The following PRRC2B variants were observed in gnomAD, a reference collection of about 807,000 sequenced individuals.
The protein encoded by PRRC2B is proline rich coiled-coil 2B, also known as protein PRRC2B.
PRRC2B carries 68 observed loss-of-function variants against 242.3 expected under a neutral mutation model. The ratio of observed to expected loss-of-function variants is 0.28; its 90% CI spans 0.23 to 0.34. PRRC2B has a LOEUF of 0.34. Among genes scored for constraint, PRRC2B ranks in the 10% least tolerant of loss-of-function variants. The probability of loss-of-function intolerance (pLI) is 1.00; values close to 1 mark genes in which losing one functional copy is unlikely to be tolerated. For missense variants in PRRC2B, 2,835 were observed against 2,954.8 expected, an observed-to-expected ratio of 0.96 and a Z score of 0.94; for synonymous variants, 1,228 against 1,173.6, an observed-to-expected ratio of 1.05 and a Z score of -0.95.
Position 131,457,085 on chromosome 9 carries a change from A to C in PRRC2B, c.1211+1919A>C, listed in dbSNP as rs927673874. 4.6e-5 allele frequency among the ~76,000 whole-genome samples: 7 copies of C among 152,350 alleles called. No homozygotes were observed. In the South Asian group the frequency reaches 8.3e-4, roughly 18 times the overall value. ...CTTTGTTATTTCATCCTTTACTTAA[A>C]AGCTTCCTAAAGTAAGTGCCCATCT... On this transcript the variant is annotated intron_variant, in intron 10 of 31. Transcript: ENST00000683519.
chr9:131,423,826 A>G (rs370467737), intron 1 of PRRC2B, among the ~76,000 whole-genome samples: 11 of 152,194 alleles, frequency 7.2e-5, no homozygotes, highest in African/African-American at 2.7e-4. Context: ...CATTCACTGC[A>G]GCAGTGACTC....
At chr9:131,440,016 G>A (rs1337608613) in intron 5 of PRRC2B, among the ~76,000 whole-genome samples, 2 of 152,024 alleles carry the variant, frequency 1.3e-5, no homozygotes, top group Non-Finnish European at 2.9e-5. Flanking sequence ...CAAGTAGCTG[G>A]GGCTGGGATC....
At chr9:131,468,970 C>G (rs1943468612) in intron 13 of PRRC2B, among the ~76,000 whole-genome samples, 1 of 152,122 alleles carries the variant, frequency 6.6e-6, no homozygotes, top group Non-Finnish European at 1.5e-5. Context: ...ATTACTTGCG[C>G]CAAACCTAGC....
chr9:131,430,371 C>A, intron 2 of PRRC2B, 112 bp downstream of exon 2: 1 of 616,138 alleles, frequency 1.6e-6, no homozygotes, highest in South Asian at 2.2e-5. Context: ...CACCAGGCTT[C>A]TGGGTGTGCA....
chr9:131,477,004 C>T (rs914109714), intron 16 of PRRC2B, among the ~76,000 whole-genome samples: 10 of 152,206 alleles, frequency 6.6e-5, no homozygotes, highest in African/African-American at 2.2e-4. Flanking sequence ...CGTGGCCCCA[C>T]GGTGGGGTTG....
At chr9:131,485,945 C>A in intron 25 of PRRC2B, 140 bp from the exon 26 acceptor site, 1 of 704,522 alleles carries the variant, frequency 1.4e-6, no homozygotes, top group South Asian at 1.5e-5. Context: ...ACACAGGGAA[C>A]CTAGCAGCCT....
chr9:131,385,704 T>C (rs555933777), intron 1 of PRRC2B, among the ~76,000 whole-genome samples: 7 of 150,538 alleles, frequency 4.6e-5, no homozygotes, highest in East Asian at 2.0e-4. Flanking sequence ...ATCCTCATTC[T>C]TTTTTTTGAG....
rs1443184690 is a variant in PRRC2B at position 131,485,147 on chromosome 9, C to T, written c.5758+7C>T. On this transcript the variant is annotated splice_region_variant and intron_variant, in intron 25 of 31. Transcript: ENST00000683519. ...CCTTCTGCTTCTATGCCAGGTATCT[C>T]ATCCCCTGAGCAAGGCCTTGGGGTC... The T allele has an allele frequency of 6.4e-7, 1 of 1,569,830 alleles. No homozygotes were observed. Among genetic ancestry groups the T allele is most frequent in the South Asian group, 1.2e-5 (1 of 86,810 alleles).
intron 16 of PRRC2B, among the ~76,000 whole-genome samples, chr9:131,476,775 G>A (rs2131450301): frequency 1.3e-5 from 2 of 148,666 alleles, no homozygotes; most frequent in Middle Eastern, 7.0e-3. Context: ...CCACTGTCCA[G>A]CACCTGACCT....
chr9:131,495,080 A>G (rs944664407), intron 31 of PRRC2B, among the ~76,000 whole-genome samples: 1 of 152,058 alleles, frequency 6.6e-6, no homozygotes, highest in Non-Finnish European at 1.5e-5. Context: ...TGGTTCCCCT[A>G]GGGGTCATGA....
intron 1 of PRRC2B, among the ~76,000 whole-genome samples, chr9:131,414,533 C>T (rs1033528781): frequency 6.7e-6 from 1 of 150,246 alleles, no homozygotes; most frequent in South Asian, 2.1e-4. Flanking sequence ...TTTACCAGGA[C>T]TGTTGCCCCT....
At chr9:131,388,297 G>A (rs548279663) in intron 1 of PRRC2B, among the ~76,000 whole-genome samples, 3 of 141,278 alleles carry the variant, frequency 2.1e-5, no homozygotes, top group Non-Finnish European at 3.1e-5. Flanking sequence ...CTGGAGTGCA[G>A]TGGTGCAATC....
In PRRC2B at chr9:131,475,650, G is replaced by A. The variant is rs1465889863; in HGVS notation, c.3521G>A (p.Cys1174Tyr). The stretch of plus-strand genomic sequence containing the variant: ...GAGAGCACCTTGAAGAAGGGCGACT[G>A]CAGAGATTCTTGGCGGTCCAACAAG... Reference protein sequence around the residue: ...REESTLKKGDCRDSWRSNKGC... With the variant: ...REESTLKKGDYRDSWRSNKGC... Residue 1174 changes from cysteine (C) to tyrosine (Y), a missense_variant, in exon 16 of 32, where the codon TGC becomes TAC. Cys to Tyr is a radical substitution (Grantham distance 194). This residue lies in a region of PRRC2B where 1,536 missense variants were observed against 1,483.1 expected (regional missense o/e 1.04). Coordinates refer to ENST00000683519, the MANE Select transcript of PRRC2B (RefSeq NM_013318.4). 1.9e-6 allele frequency: 3 copies of A among 1,611,002 alleles called. No individual in the cohort carries two copies. Among genetic ancestry groups the A allele is most frequent in the Non-Finnish European group, 2.5e-6 (3 of 1,178,622 alleles).
intron 1 of PRRC2B, among the ~76,000 whole-genome samples, chr9:131,420,496 T>TCTTTCTTTCTTTCTTTTCTTTTCTTTTC (rs59621148): frequency 1.3e-5 from 1 of 75,898 alleles, no homozygotes; most frequent in Admixed American, 1.3e-4. Flanking sequence ...TTTCTTTCTT[T>TCTTTCTTTCTTTCTTTTCTTTTCTTTTC]TTTTTTTTTT....
Position 131,403,422 on chromosome 9 carries a change from G to A in PRRC2B, c.-52+9159G>A, listed in dbSNP as rs182783839. Reference sequence around the variant, plus strand: ...GCCGGAGTGCAGTGGCATGATCTCGGCTCACTGCAACCTCCACCTCCCAGG... The same window carrying A: ...GCCGGAGTGCAGTGGCATGATCTCGACTCACTGCAACCTCCACCTCCCAGG... On this transcript the variant is annotated intron_variant, in intron 1 of 31. Coordinates refer to ENST00000683519, the MANE Select transcript of PRRC2B (RefSeq NM_013318.4). 4.2e-3 allele frequency among the ~76,000 whole-genome samples: 633 copies of A among 151,944 alleles called. 6 individuals carry two copies. Among genetic ancestry groups the A allele is most frequent in the African/African-American group, 0.015 (603 of 41,416 alleles).
chr9:131,411,941 A>AGGCATG (rs2131297850), intron 1 of PRRC2B, among the ~76,000 whole-genome samples: 2 of 151,292 alleles, frequency 1.3e-5, no homozygotes, highest in East Asian at 3.9e-4. Context: ...GCTGGGATCC[A>AGGCATG]GGCATGTGCC....
chr9:131,416,519 G>A (rs778399816), intron 1 of PRRC2B, among the ~76,000 whole-genome samples: 7 of 152,032 alleles, frequency 4.6e-5, no homozygotes, highest in Non-Finnish European at 8.8e-5. Context: ...CACATCTTAT[G>A]TTAGTACAGT....
intron 29 of PRRC2B, 61 bp from the exon 30 acceptor site, chr9:131,492,108 T>C (rs2131485403): frequency 1.5e-6 from 2 of 1,298,826 alleles, no homozygotes; most frequent in East Asian, 4.6e-5. Context: ...GTTCAGTAAG[T>C]GTGTGGTCCA....
chr9:131,458,273 C>T (rs1434827457), intron 10 of PRRC2B, among the ~76,000 whole-genome samples: 2 of 152,128 alleles, frequency 1.3e-5, no homozygotes, highest in African/African-American at 2.4e-5. Context: ...GACGGACACG[C>T]ACCTGGGAGT....
Sources: gnomAD v4.1 joint callset for allele counts (sites outside exome capture counted in the v4.1 genomes callset) on GRCh38, gnomAD v4.1.1 for gene constraint, gnomAD v4.1.1 regional missense constraint, MANE v1.5 for transcripts, NCBI Gene and HGNC (gene_info 2026-07-23, HGNC 2026-07-21) for gene names.